FGFR3: variants seen among roughly 807,000 people sequenced by gnomAD.
The protein encoded by FGFR3 is fibroblast growth factor receptor 3, also known as FGFR-3.
FGFR3 carries 25 observed loss-of-function variants against 82.9 expected under a neutral mutation model. The observed-to-expected ratio is 0.30, with a 90% CI of 0.22 to 0.42. The LOEUF (loss-of-function observed/expected upper bound fraction) is 0.42, where lower values mean the gene tolerates loss of function less well. FGFR3 is among the 10% of genes least tolerant of loss of function. The pLI is 1.00. For synonymous variants in FGFR3, 620 were observed against 516.0 expected (o/e 1.20, Z -2.73); for missense variants, 1,026 against 1,161.0 (o/e 0.88, Z 1.69).
In FGFR3 at chr4:1,807,208, TG is replaced by T. The variant is rs1560450251; in HGVS notation, c.2368del (p.Ala790ProfsTer30). 4.4e-6 allele frequency: 7 copies of T among 1,608,806 alleles called. No individual in the cohort carries two copies. In the South Asian group the frequency reaches 7.8e-5, roughly 18 times the overall value. Reference protein sequence around the residue: ...SSSSGDDSVFAHDLLPPAPPS... With the variant: ...SSSSGDDSVFXHDLLPPAPPS... ...GCTCCTCAGGGGACGACTCCGTGTTTGCCCACGACCTGCTGCCCCCGGCCCC... is the reference window on the plus strand; with the variant it reads ...GCTCCTCAGGGGACGACTCCGTGTTTCCCACGACCTGCTGCCCCCGGCCCC... On this transcript the variant is annotated frameshift_variant, in exon 18 of 18. Transcript: ENST00000440486. LOFTEE classifies it low-confidence loss of function (END_TRUNC).
chr4:1,794,195 C>T, intron 2 of FGFR3, 152 bp downstream of exon 2: 1 of 422,838 alleles, frequency 2.4e-6, no homozygotes. Flanking sequence ...CCGGAGAGCG[C>T]GGCCAGAGCT....
Position 1,805,427 on chromosome 4 carries a change from C to G in FGFR3, c.1485C>G (p.Asp495Glu). Residue 495 changes from aspartate (D) to glutamate (E), a missense_variant, in exon 11 of 18, where the codon GAC becomes GAG. Asp to Glu is a conservative substitution (Grantham distance 45). Coordinates refer to ENST00000440486, the MANE Select transcript of FGFR3 (RefSeq NM_000142.5). ...QVVMAEAIGI[D>E]KDRAAKPVTV... Reference sequence around the variant, plus strand: ...TCATGGCGGAGGCCATCGGCATTGACAAGGACCGGGCCGCCAAGCCTGTCA... The same window carrying G: ...TCATGGCGGAGGCCATCGGCATTGAGAAGGACCGGGCCGCCAAGCCTGTCA... 1 of 1,612,194 alleles carries G rather than the reference C, an allele frequency of 6.2e-7. No homozygotes were observed. Among genetic ancestry groups the G allele is most frequent in the Non-Finnish European group, 8.5e-7 (1 of 1,179,534 alleles).
chr4:1,807,094 T>TCACCCCG lies in FGFR3; in HGVS notation c.2275-20_2275-14dup, dbSNP rs768995216. On this transcript the variant is annotated intron_variant, in intron 17 of 17. Transcript: ENST00000440486. ...GAAGAGGGGCTCGGTGGCACAGCGCTCACCCCGCCTCCCGCCAGCAGGAGT... is the reference window on the plus strand; with the variant it reads ...GAAGAGGGGCTCGGTGGCACAGCGCTCACCCCGCACCCCGCCTCCCGCCAGCAGGAGT... 8.2e-4 allele frequency: 1,288 copies of TCACCCCG among 1,561,934 alleles called. 1 individual carries two copies. Among genetic ancestry groups the TCACCCCG allele is most frequent in the Non-Finnish European group, 1.0e-3 (1,187 of 1,153,716 alleles).
chr4:1,795,986 G>A (rs982862827), intron 2 of FGFR3, among the ~76,000 whole-genome samples: 2 of 152,194 alleles, frequency 1.3e-5, no homozygotes, highest in African/African-American at 4.8e-5. Context: ...CAGCCCTCAG[G>A]TCTCACTTGG....
chr4:1,803,916 A>C, intron 8 of FGFR3, 80 bp downstream of exon 8: 2 of 1,446,388 alleles, frequency 1.4e-6, no homozygotes, highest in African/African-American at 2.8e-5. Context: ...GCCAGGACGG[A>C]CGGGAATCCT....
chr4:1,806,425 C>G (rs1044844519), intron 15 of FGFR3, 98 bp downstream of exon 15: 20 of 1,603,998 alleles, frequency 1.2e-5, no homozygotes, highest in Non-Finnish European at 1.7e-5. Flanking sequence ...CCTGGAGCTC[C>G]TGGGTGTGGT....
Position 1,806,481 on chromosome 4 carries a change from C to A in FGFR3, c.2031-65C>A, listed in dbSNP as rs1721936487. On this transcript the variant is annotated intron_variant, in intron 15 of 17. Coordinates refer to ENST00000440486, the MANE Select transcript of FGFR3 (RefSeq NM_000142.5). ...AGCAGCGCAGCCCTGGCCTATTCCCCTGGTGCCCGCCCAGGTGTCTGTCCT... is the reference window on the plus strand; with the variant it reads ...AGCAGCGCAGCCCTGGCCTATTCCCATGGTGCCCGCCCAGGTGTCTGTCCT... 3.1e-6 allele frequency: 5 copies of A among 1,612,020 alleles called. No homozygotes were observed. In the Admixed American group the frequency reaches 8.3e-5, roughly 27 times the overall value.
At chr4:1,803,532 G>C (rs529884761) in intron 7 of FGFR3, among the ~76,000 whole-genome samples, 160 bp from the exon 8 acceptor site, 2 of 152,274 alleles carry the variant, frequency 1.3e-5, no homozygotes, top group Non-Finnish European at 2.9e-5. Context: ...GTACCAGGCG[G>C]AGGGCCCTCA....
chr4:1,803,161 C>T (rs1433482694), intron 7 of FGFR3: 5 of 1,333,286 alleles, frequency 3.8e-6, no homozygotes, highest in Admixed American at 3.9e-5. Flanking sequence ...CCTGCTCGCT[C>T]CCGCCCCGGC....
rs150945966 is a variant in FGFR3, at chr4:1,805,596, T to C, written c.1572T>C (p.Ser524=). The C allele has an allele frequency of 5.0e-6, 8 of 1,613,260 alleles. No homozygotes were observed. In the African/African-American group the frequency reaches 9.3e-5, roughly 19 times the overall value. ...ATDKDLSDLV[S]EMEMMKMIGK... is the part of the protein sequence containing the mutation. ...ACAAGGACCTGTCGGACCTGGTGTCTGAGATGGAGATGATGAAGATGATCG... is the reference window on the plus strand; with the variant it reads ...ACAAGGACCTGTCGGACCTGGTGTCCGAGATGGAGATGATGAAGATGATCG... The change falls in exon 12 of 18, where the codon TCT becomes TCC. Residue 524 remains serine (S), a synonymous_variant. Transcript: ENST00000440486.
chr4:1,798,958 C>T (rs974915638), intron 2 of FGFR3, among the ~76,000 whole-genome samples: 5 of 152,238 alleles, frequency 3.3e-5, no homozygotes, highest in South Asian at 4.1e-4. Flanking sequence ...TTGAATTCTC[C>T]GTGTCCATGA....
chr4:1,804,610 G>A, intron 9 of FGFR3, 90 bp downstream of exon 9: 1 of 1,552,204 alleles, frequency 6.4e-7, no homozygotes. Context: ...TGGGCTGTGT[G>A]AGCCCTCTCT....
At position 1,793,993 on chromosome 4, in the gene FGFR3, C is replaced by A; in HGVS notation, c.59C>A (p.Ala20Asp). 7.2e-7 allele frequency: 1 copy of A among 1,390,212 alleles called. No individual in the cohort carries two copies. The highest frequency in any genetic ancestry group is 2.8e-5 in the Admixed American group (1 of 36,308). 86.1% of individuals were successfully genotyped at this position (1,390,212 alleles called of 1,614,324 possible). A position where few individuals can be genotyped will look rare whatever the true frequency, so the allele number is the denominator to read the frequency against. The change falls in exon 2 of 18, where the codon GCC becomes GAC. Residue 20 changes from alanine (A) to aspartate (D), a missense_variant. Physicochemically the swap from Ala to Asp is moderately radical, Grantham distance 126. Transcript: ENST00000440486. ...LCVAVAIVAG[A>D]SSESLGTEQR... Reference sequence around the variant, plus strand: ...GTGGCCGTGGCCATCGTGGCCGGCGCCTCCTCGGAGTCCTTGGGGACGGAG... The same window carrying A: ...GTGGCCGTGGCCATCGTGGCCGGCGACTCCTCGGAGTCCTTGGGGACGGAG...
At chr4:1,807,058 G>A (rs1722022517) in intron 17 of FGFR3, 58 bp from the exon 18 acceptor site, 3 of 1,552,736 alleles carry the variant, frequency 1.9e-6, no homozygotes, top group Non-Finnish European at 1.7e-6. Flanking sequence ...TGGGCACAGA[G>A]GTGGCTGTGC....
At chr4:1,794,722 G>A (rs1288126816) in intron 2 of FGFR3, among the ~76,000 whole-genome samples, 3 of 152,076 alleles carry the variant, frequency 2.0e-5, no homozygotes, top group Admixed American at 1.3e-4. Flanking sequence ...GCGAGGGGAG[G>A]GGAAGGGGCG....
chr4:1,800,551 A>G (rs3135872), intron 4 of FGFR3, among the ~76,000 whole-genome samples: 31,022 of 151,518 alleles, frequency 0.2, 4,067 homozygotes, highest in African/African-American at 0.37. Flanking sequence ...GGGGGAACTC[A>G]CCCTGGGGGT....
intron 4 of FGFR3, 141 bp from the exon 5 acceptor site, chr4:1,801,226 G>A: frequency 1.1e-6 from 1 of 928,440 alleles, no homozygotes; most frequent in Non-Finnish European, 1.6e-6. Flanking sequence ...GAGGCTCCTG[G>A]GAACCTCATC....
rs1484787195 is a variant in FGFR3, at chr4:1,805,342, C to T, written c.1413-13C>T. ...AGTTTGCACACTCATGGTCCCTCTGCCTCCACTGCCAGGCTGACCCTGGGC... is the reference window on the plus strand; with the variant it reads ...AGTTTGCACACTCATGGTCCCTCTGTCTCCACTGCCAGGCTGACCCTGGGC... On this transcript the variant is annotated splice_polypyrimidine_tract_variant and intron_variant, in intron 10 of 17. Transcript: ENST00000440486. 6 of 1,610,760 alleles carry T rather than the reference C, an allele frequency of 3.7e-6. No individual in the cohort carries two copies. The Admixed American group carries it at 5.0e-5, about 13-fold the overall frequency.
chr4:1,802,864 G>C, intron 7 of FGFR3: 1 of 1,542,942 alleles, frequency 6.5e-7, no homozygotes, highest in Non-Finnish European at 8.7e-7. Flanking sequence ...CCTCGTGCCC[G>C]GCGGGGCTGC....
Sources: allele counts gnomAD v4.1 joint callset (sites outside exome capture counted in the v4.1 genomes callset), GRCh38; gene constraint gnomAD v4.1.1; transcripts MANE v1.5; gene names NCBI Gene and HGNC (gene_info 2026-07-23, HGNC 2026-07-21).